EPHB1: variants seen among roughly 807,000 people sequenced by gnomAD.
The protein encoded by EPHB1 is EPH receptor B1.
A neutral mutation model predicts 94.4 loss-of-function variants in EPHB1; 30 were observed. The ratio of observed to expected loss-of-function variants is 0.32; its 90% confidence interval spans 0.24 to 0.43. The LOEUF (loss-of-function observed/expected upper bound fraction) is 0.43. Ranked by LOEUF, EPHB1 falls within the 20% of genes least tolerant of loss-of-function variation. The pLI is 1.00. For missense variants in EPHB1, 1,055 were observed against 1,308.3 expected (o/e 0.81, Z 2.99); for synonymous variants, 522 against 489.1 (o/e 1.07, Z -0.89).
intron 10 of EPHB1, among the ~76,000 whole-genome samples, chr3:135,184,491 A>G (rs1267568741): frequency 1.3e-5 from 2 of 152,246 alleles, no homozygotes; most frequent in Non-Finnish European, 2.9e-5. Flanking sequence ...TCAAAGTTCT[A>G]TGGGAGCAAG....
chr3:135,017,871 A>G (rs1935855327), intron 3 of EPHB1, among the ~76,000 whole-genome samples: 1 of 152,144 alleles, frequency 6.6e-6, no homozygotes, highest in African/African-American at 2.4e-5. Flanking sequence ...GTGGTTGCTC[A>G]GTCTGTGTTT....
At chr3:135,039,945 G>A (rs1232256667) in intron 3 of EPHB1, among the ~76,000 whole-genome samples, 1 of 152,226 alleles carries the variant, frequency 6.6e-6, no homozygotes, top group African/African-American at 2.4e-5. Context: ...GAGAGCAAGC[G>A]AGGGCTCTGA....
At position 134,992,823 on chromosome 3, in the gene EPHB1, C is replaced by T. The variant is rs1207434387; in HGVS notation, c.805+40771C>T. Among the ~76,000 whole-genome samples the T allele has an allele frequency of 2.0e-5, 3 of 152,216 alleles. No individual in the cohort carries two copies. The East Asian group carries it at 5.8e-4, about 29-fold the overall frequency. ...AGGAAATGGAACAAAATCTCACCCA[C>T]TTCCTTATTGCTGTATTTGCTTCCC... On this transcript the variant is annotated intron_variant, in intron 3 of 15. Coordinates refer to ENST00000398015, the MANE Select transcript of EPHB1 (RefSeq NM_004441.5).
chr3:135,241,308 G>A lies in EPHB1; in HGVS notation c.2496+11G>A, dbSNP rs1943777273. 1 of 1,614,086 alleles carries A rather than the reference G, an allele frequency of 6.2e-7. No individual in the cohort carries two copies. Among genetic ancestry groups the A allele is most frequent in the African/African-American group, 1.3e-5 (1 of 75,056 alleles). ...ATGTCCAACCAAGATGTGAGTGTCAGCAGCACTTGGTCACCACAAACCCCC... is the reference window on the plus strand; with the variant it reads ...ATGTCCAACCAAGATGTGAGTGTCAACAGCACTTGGTCACCACAAACCCCC... On this transcript the variant is annotated intron_variant, in intron 13 of 15. Transcript: ENST00000398015.
chr3:134,879,830 A>AG (rs958368968), intron 1 of EPHB1, among the ~76,000 whole-genome samples: 8 of 152,138 alleles, frequency 5.3e-5, no homozygotes, highest in African/African-American at 1.9e-4. Flanking sequence ...AAATTAAAAA[A>AG]AAGTAGGGGT....
At chr3:134,843,439 T>C (rs556428428) in intron 1 of EPHB1, among the ~76,000 whole-genome samples, 1 of 152,332 alleles carries the variant, frequency 6.6e-6, no homozygotes, top group Admixed American at 6.5e-5. Context: ...AAATTTGAAC[T>C]GTTTTAAACC....
chr3:134,804,071 A>ATTTTTTTTTT (rs572201781), intron 1 of EPHB1, among the ~76,000 whole-genome samples: 3 of 43,768 alleles, frequency 6.9e-5, no homozygotes, highest in African/African-American at 2.9e-4. Flanking sequence ...ATTATTGGCT[A>ATTTTTTTTTT]TTTTTTTTTT....
In EPHB1 at chr3:134,817,716, C is replaced by A. The variant is rs1037047018; in HGVS notation, c.58+22027C>A. ...AGAGGTTGTTGAGTAGGAATCAGAG[C>A]CCATGTATGGGAAATGCTTTGTAAA... On this transcript the variant is annotated intron_variant, in intron 1 of 15. Transcript: ENST00000398015. Among the ~76,000 whole-genome samples the A allele has an allele frequency of 3.3e-5, 5 of 152,290 alleles. No homozygotes were observed. The East Asian group carries it at 9.7e-4, about 29-fold the overall frequency.
chr3:135,031,831 T>C (rs2107760951), intron 3 of EPHB1, among the ~76,000 whole-genome samples: 1 of 152,272 alleles, frequency 6.6e-6, no homozygotes, highest in South Asian at 2.1e-4. Flanking sequence ...GAAAATACAA[T>C]TATCCTACCC....
rs765754080 is a variant in EPHB1 at position 135,161,647 on chromosome 3, G to A, written c.1423-371G>A. Among the ~76,000 whole-genome samples the A allele has an allele frequency of 2.3e-4, 35 of 152,176 alleles. 1 individual carries two copies. Among genetic ancestry groups the A allele is most frequent in the Non-Finnish European group, 3.8e-4 (26 of 68,024 alleles). On this transcript the variant is annotated intron_variant, in intron 6 of 15. Coordinates refer to ENST00000398015, the MANE Select transcript of EPHB1 (RefSeq NM_004441.5). ...GGCAGATGGATGTTGCCTAGTTTGA[G>A]TCTGCTGAGGTCAGAGACTTGAGGG...
intron 3 of EPHB1, among the ~76,000 whole-genome samples, chr3:135,095,288 C>T (rs1400687229): frequency 1.3e-5 from 2 of 152,034 alleles, no homozygotes; most frequent in Non-Finnish European, 2.9e-5. Flanking sequence ...GTCTTTGACT[C>T]CTTGCACCCA....
Position 135,238,810 on chromosome 3 carries a change from A to G in EPHB1, c.2347-2338A>G, listed in dbSNP as rs372048684. 5.3e-5 allele frequency among the ~76,000 whole-genome samples: 8 copies of G among 152,156 alleles called. No individual in the cohort carries two copies. In the South Asian group the frequency reaches 1.7e-3, roughly 32 times the overall value. On this transcript the variant is annotated intron_variant, in intron 12 of 15. Transcript: ENST00000398015. ...CTCTCCTACCTCACTTAACCCAGGTATTTTGAGAAAACCAAAGCCCCTCTT... is the reference window on the plus strand; with the variant it reads ...CTCTCCTACCTCACTTAACCCAGGTGTTTTGAGAAAACCAAAGCCCCTCTT...
chr3:135,079,304 A>G (rs886388667), intron 3 of EPHB1, among the ~76,000 whole-genome samples: 2 of 152,194 alleles, frequency 1.3e-5, no homozygotes, highest in Admixed American at 1.3e-4. Flanking sequence ...ATGGATAACC[A>G]TGCCTGCATT....
intron 12 of EPHB1, among the ~76,000 whole-genome samples, chr3:135,215,004 G>T (rs778699380): frequency 6.6e-6 from 1 of 152,062 alleles, no homozygotes; most frequent in Non-Finnish European, 1.5e-5. Context: ...TGTTAGATTT[G>T]TAAAAACCCA....
At chr3:134,961,916 A>G (rs1392566443) in intron 3 of EPHB1, among the ~76,000 whole-genome samples, 3 of 152,226 alleles carry the variant, frequency 2.0e-5, no homozygotes, top group Non-Finnish European at 4.4e-5. Context: ...AAATTAATTT[A>G]TTTATTCAAT....
intron 3 of EPHB1, among the ~76,000 whole-genome samples, chr3:135,032,717 A>C (rs1016120220): frequency 7.9e-5 from 12 of 152,200 alleles, no homozygotes; most frequent in African/African-American, 7.2e-5. Context: ...CTTTTCTCAG[A>C]TGCCTTACAA....
Position 135,259,365 on chromosome 3 carries a change from A to G in EPHB1, c.*245A>G, listed in dbSNP as rs369384405. 1.2e-5 allele frequency: 4 copies of G among 329,608 alleles called. No individual in the cohort carries two copies. The highest frequency in any genetic ancestry group is 4.8e-5 in the East Asian group (1 of 20,688). The allele number at this position is 329,608 out of a possible 1,614,324, so 20.4% of individuals were successfully genotyped here. On this transcript the variant is annotated 3_prime_UTR_variant, in exon 16 of 16. Coordinates refer to ENST00000398015, the MANE Select transcript of EPHB1 (RefSeq NM_004441.5). ...TAAAAATATAAAAAGGTGATGTTCA[A>G]CAGAAGTGAAGACAAAACAATATGC...
intron 10 of EPHB1, among the ~76,000 whole-genome samples, chr3:135,187,549 A>G (rs1942358365): frequency 6.6e-6 from 1 of 152,214 alleles, no homozygotes; most frequent in Admixed American, 6.5e-5. Context: ...GTCAAAGATC[A>G]CAGGCGACAG....
intron 3 of EPHB1, among the ~76,000 whole-genome samples, chr3:134,991,336 G>A (rs1343081088): frequency 6.6e-6 from 1 of 152,142 alleles, no homozygotes; most frequent in East Asian, 1.9e-4. Flanking sequence ...AGGCTTTGAT[G>A]CACTATCACT....
Sources: gnomAD v4.1 joint callset for allele counts (sites outside exome capture counted in the v4.1 genomes callset) on GRCh38, gnomAD v4.1.1 for gene constraint, MANE v1.5 for transcripts, NCBI Gene and HGNC (gene_info 2026-07-23, HGNC 2026-07-21) for gene names.